PAXBP1: variants seen among roughly 807,000 people sequenced by gnomAD.
PAXBP1 encodes PAX3- and PAX7-binding protein 1.
PAXBP1 carries 44 observed loss-of-function variants against 119.9 expected under a neutral mutation model. The ratio of observed to expected loss-of-function variants is 0.37; its 90% confidence interval spans 0.29 to 0.47. PAXBP1 has a LOEUF of 0.47. Ranked by LOEUF, PAXBP1 falls within the 20% of genes least tolerant of loss-of-function variation. The pLI, the probability that PAXBP1 is intolerant of heterozygous loss-of-function variation, is 0.99. For missense variants in PAXBP1, 898 were observed against 1,134.1 expected (o/e 0.79, Z 2.99); for synonymous variants, 393 against 406.6 (o/e 0.97, Z 0.40).
chr21:32,755,460 A>G (rs2146499221), intron 7 of PAXBP1, 107 bp from the exon 8 acceptor site: 1 of 1,421,466 alleles, frequency 7.0e-7, no homozygotes, highest in East Asian at 2.5e-5. Flanking sequence ...CTCTATGGAC[A>G]GAATAATCAT....
intron 3 of PAXBP1, 105 bp from the exon 4 acceptor site, chr21:32,762,422 G>A: frequency 2.5e-5 from 36 of 1,423,030 alleles, no homozygotes; most frequent in Non-Finnish European, 3.3e-5. Flanking sequence ...TCACAGTGAT[G>A]TTTCAGCTGC....
chr21:32,755,491 G>A (rs2044029557), intron 7 of PAXBP1, 138 bp from the exon 8 acceptor site: 2 of 1,097,936 alleles, frequency 1.8e-6, no homozygotes, highest in Admixed American at 5.6e-5. Context: ...CAGCACACAA[G>A]TAGCAAATTC....
At chr21:32,760,895 G>T (rs960310592) in intron 5 of PAXBP1, among the ~76,000 whole-genome samples, 164 bp downstream of exon 5, 2 of 99,612 alleles carry the variant, frequency 2.0e-5, no homozygotes, top group African/African-American at 8.7e-5. Flanking sequence ...CTCTGTGTGC[G>T]TGCGTGCGTG....
intron 8 of PAXBP1, among the ~76,000 whole-genome samples, chr21:32,754,504 G>A (rs983380604): frequency 6.6e-5 from 10 of 152,030 alleles, no homozygotes; most frequent in Non-Finnish European, 1.0e-4. Context: ...GGAACTAAAC[G>A]GTTTAAAACA....
At chr21:32,745,198 T>C (rs2043854964) in intron 12 of PAXBP1, among the ~76,000 whole-genome samples, 1 of 152,238 alleles carries the variant, frequency 6.6e-6, no homozygotes, top group African/African-American at 2.4e-5. Context: ...CTAACATTTC[T>C]AGTATTTAAA....
At position 32,771,728 on chromosome 21, in the gene PAXBP1, AG is replaced by A. The variant is rs773828989; in HGVS notation, c.-61del. 4.3e-4 allele frequency: 560 copies of A among 1,297,076 alleles called. 1 individual carries two copies. The highest frequency in any genetic ancestry group is 1.0e-3 in the Middle Eastern group (5 of 4,934). The allele number at this position is 1,297,076 out of a possible 1,614,324, so 80.3% of individuals were successfully genotyped here. ...CCACACCGCGGCCCCGGCAGCGCCG[AG>A]CTCGTGACGGCGCACGCGCGCTCTC... is the stretch of plus-strand genomic sequence containing the variant. On this transcript the variant is annotated 5_prime_UTR_variant, in exon 1 of 18. Transcript: ENST00000331923.
intron 2 of PAXBP1, among the ~76,000 whole-genome samples, chr21:32,767,822 C>T (rs1319933003): frequency 6.6e-6 from 1 of 152,156 alleles, no homozygotes; most frequent in African/African-American, 2.4e-5. Flanking sequence ...TTATCAGCAG[C>T]ATGAAAACAG....
chr21:32,740,319 A>G (rs2043762286), intron 15 of PAXBP1, among the ~76,000 whole-genome samples: 2 of 152,160 alleles, frequency 1.3e-5, no homozygotes, highest in Admixed American at 1.3e-4. Flanking sequence ...TTACATATTG[A>G]TTGATGTCTC....
intron 2 of PAXBP1, among the ~76,000 whole-genome samples, chr21:32,766,529 A>G (rs757454166): frequency 3.9e-5 from 6 of 152,088 alleles, no homozygotes; most frequent in Non-Finnish European, 8.8e-5. Flanking sequence ...CTCTTCATCA[A>G]AAGAGCTTTC....
chr21:32,763,290 A>G (rs1036431847), intron 3 of PAXBP1, among the ~76,000 whole-genome samples: 6 of 152,192 alleles, frequency 3.9e-5, no homozygotes, highest in African/African-American at 1.4e-4. Context: ...TAATTTTCTA[A>G]CAAACCTTTC....
intron 7 of PAXBP1, 123 bp from the exon 8 acceptor site, chr21:32,755,476 C>T: frequency 7.9e-7 from 1 of 1,264,784 alleles, no homozygotes; most frequent in Non-Finnish European, 1.1e-6. Flanking sequence ...ATCATGAATC[C>T]CCAACAGCAC....
At chr21:32,753,641 A>G (rs553882002) in intron 8 of PAXBP1, among the ~76,000 whole-genome samples, 1 of 152,346 alleles carries the variant, frequency 6.6e-6, no homozygotes, top group South Asian at 2.1e-4. Flanking sequence ...AAAACAGATC[A>G]GAAAATGAAT....
At position 32,748,605 on chromosome 21, in the gene PAXBP1, C is replaced by A; in HGVS notation, c.1817G>T (p.Arg606Leu). The change falls in exon 11 of 18, where the codon CGT (arginine) becomes CTT (leucine). Residue 606 changes from arginine to leucine, a missense_variant. Physicochemically the swap from Arg to Leu is moderately radical, Grantham distance 102. Coordinates refer to ENST00000331923, the MANE Select transcript of PAXBP1 (RefSeq NM_016631.4). ...DCIKSQFEAW[R>L]SKYYTSYKDA... ...TTTGTAGGATGTGTAGTATTTTGAA[C>A]GCCATGCTTCAAACTGTGATTTAAT... The A allele has an allele frequency of 6.2e-7, 1 of 1,613,898 alleles. No homozygotes were observed. Among genetic ancestry groups the A allele is most frequent in the Middle Eastern group, 1.7e-4 (1 of 6,060 alleles).
chr21:32,769,801 G>C lies in PAXBP1; in HGVS notation c.472+13C>G, dbSNP rs749891561. The C allele has an allele frequency of 6.2e-7, 1 of 1,600,060 alleles. No individual in the cohort carries two copies. Among genetic ancestry groups the C allele is most frequent in the South Asian group, 1.1e-5 (1 of 87,170 alleles). On this transcript the variant is annotated intron_variant, in intron 2 of 17. Transcript: ENST00000331923. ...TTGTCATTTCAAAAGAATTCAATTA[G>C]TTTGGTACTTACTTTCAGCTGATGA...
rs1227211968 is a variant in PAXBP1, at chr21:32,734,498, T to C, written c.*452A>G. The C allele has an allele frequency of 5.9e-6, 1 of 169,068 alleles. No individual in the cohort carries two copies. The highest frequency in any genetic ancestry group is 1.3e-5 in the Non-Finnish European group (1 of 79,684). The allele number at this position is 169,068 out of a possible 1,614,324, so 10.5% of individuals were successfully genotyped here. A position where few individuals can be genotyped will look rare whatever the true frequency, so the allele number is the denominator to read the frequency against. ...AACATTTAGTCACTTGCCAGCCCTTTTGTTACAACAGTGTAGTAATTTCCC... is the reference window on the plus strand; with the variant it reads ...AACATTTAGTCACTTGCCAGCCCTTCTGTTACAACAGTGTAGTAATTTCCC... On this transcript the variant is annotated 3_prime_UTR_variant, in exon 18 of 18. Coordinates refer to ENST00000331923, the MANE Select transcript of PAXBP1 (RefSeq NM_016631.4).
At chr21:32,770,159 G>GAAATTTTA (rs1332390128) in intron 1 of PAXBP1, among the ~76,000 whole-genome samples, 1 of 152,058 alleles carries the variant, frequency 6.6e-6, no homozygotes, top group Non-Finnish European at 1.5e-5. Flanking sequence ...CTTTTTAAAG[G>GAAATTTTA]AATAGCACAT....
chr21:32,757,074 C>T (rs1368422319), intron 7 of PAXBP1, among the ~76,000 whole-genome samples: 1 of 151,622 alleles, frequency 6.6e-6, no homozygotes, highest in Non-Finnish European at 1.5e-5. Context: ...TACAGGGAAA[C>T]AAAAACAATG....
intron 10 of PAXBP1, 32 bp from the exon 11 acceptor site, chr21:32,748,730 A>C (rs745720446): frequency 6.4e-7 from 1 of 1,571,034 alleles, no homozygotes; most frequent in Non-Finnish European, 8.6e-7. Flanking sequence ...AGAGAACCAT[A>C]CATTAGTATG....
intron 2 of PAXBP1, 49 bp from the exon 3 acceptor site, chr21:32,764,573 A>C (rs941052778): frequency 1.8e-5 from 25 of 1,414,288 alleles, no homozygotes; most frequent in Non-Finnish European, 2.3e-5. Flanking sequence ...TTCATAAATT[A>C]AGAAAGTTTA....
Sources: gnomAD v4.1 joint callset for allele counts (sites outside exome capture counted in the v4.1 genomes callset) on GRCh38, gnomAD v4.1.1 for gene constraint, MANE v1.5 for transcripts, NCBI Gene and HGNC (gene_info 2026-07-23, HGNC 2026-07-21) for gene names.